Variants in KCNIP1 observed in about 807,000 individuals in gnomAD.
KCNIP1 encodes potassium voltage-gated channel interacting protein 1, also known as A-type potassium channel modulatory protein KCNIP1.
In KCNIP1, 18 loss-of-function variants were observed where a neutral mutation model predicts 33.0. That is an observed-to-expected ratio of 0.55 (90% CI 0.38 to 0.81). KCNIP1 has a LOEUF of 0.81. Ranked by LOEUF, KCNIP1 falls within the 30% of genes least tolerant of loss-of-function variation. The pLI, the probability that KCNIP1 is intolerant of heterozygous loss-of-function variation, is 0.00. For synonymous variants in KCNIP1, 93 were observed against 98.3 expected, an observed-to-expected ratio of 0.95 and a Z score of 0.32; for missense variants, 238 against 271.6, an observed-to-expected ratio of 0.88 and a Z score of 0.87.
At chr5:170,513,757 A>G (rs1755023896) in intron 1 of KCNIP1, among the ~76,000 whole-genome samples, 1 of 152,234 alleles carries the variant, frequency 6.6e-6, no homozygotes, top group Non-Finnish European at 1.5e-5. Flanking sequence ...GTTTACATAC[A>G]GAGCCTTTGT....
At chr5:170,475,782 A>G (rs1042714227) in intron 1 of KCNIP1, among the ~76,000 whole-genome samples, 1 of 151,838 alleles carries the variant, frequency 6.6e-6, no homozygotes, top group African/African-American at 2.4e-5. Context: ...CTTCCTTACT[A>G]ACAGACCCAA....
intron 1 of KCNIP1, among the ~76,000 whole-genome samples, chr5:170,397,650 T>C (rs1336221661): frequency 6.6e-6 from 1 of 152,224 alleles, no homozygotes; most frequent in African/African-American, 2.4e-5. Flanking sequence ...CCTCATTAAA[T>C]ATTCTTTGCA....
chr5:170,459,908 T>C (rs1756468055), intron 1 of KCNIP1, among the ~76,000 whole-genome samples: 2 of 152,154 alleles, frequency 1.3e-5, no homozygotes, highest in Admixed American at 1.3e-4. Context: ...TAGCTGATTC[T>C]TTGAAAAGAT....
At chr5:170,644,230 C>G (rs954842908) in intron 1 of KCNIP1, among the ~76,000 whole-genome samples, 6 of 152,210 alleles carry the variant, frequency 3.9e-5, no homozygotes, top group African/African-American at 9.6e-5. Flanking sequence ...ACCTCAGGCT[C>G]TGTGTCAGGT....
intron 1 of KCNIP1, among the ~76,000 whole-genome samples, chr5:170,513,427 C>T (rs1314166955): frequency 7.0e-6 from 1 of 143,582 alleles, no homozygotes; most frequent in African/African-American, 3.0e-5. Flanking sequence ...GTTTTTCTTT[C>T]TCTCTCTTTC....
At position 170,467,688 on chromosome 5, in the gene KCNIP1, C is replaced by T. The variant is rs7714108; in HGVS notation, c.88+113724C>T. On this transcript the variant is annotated intron_variant, in intron 1 of 7. Coordinates refer to the KCNIP1 transcript ENST00000377360. ...ATCCCAGGGCTTCGAGAGGCCGAGG[C>T]GGGTGGATCACCTGAGGTCAGGAGT... 4.3e-3 allele frequency among the ~76,000 whole-genome samples: 660 copies of T among 152,126 alleles called. 3 individuals are homozygous for T. The highest frequency in any genetic ancestry group is 7.0e-3 in the Admixed American group (107 of 15,288).
chr5:170,368,282 T>A (rs920795339), intron 1 of KCNIP1, among the ~76,000 whole-genome samples: 13 of 152,296 alleles, frequency 8.5e-5, no homozygotes, highest in African/African-American at 2.9e-4. Flanking sequence ...GTTTGTTTTA[T>A]TGAGACAGAG....
At chr5:170,639,439 G>C (rs1398908825) in intron 1 of KCNIP1, 1 of 152,260 alleles carries the variant, frequency 6.6e-6, no homozygotes, top group East Asian at 1.9e-4. Flanking sequence ...TACCTCCAGG[G>C]AGTCGGTGGC....
intron 1 of KCNIP1, among the ~76,000 whole-genome samples, chr5:170,697,806 CT>C (rs1294430814): frequency 1.3e-5 from 2 of 152,150 alleles, no homozygotes; most frequent in East Asian, 3.9e-4. Context: ...TGAGAATCTG[CT>C]TTGGCCCCCA....
chr5:170,555,924 GAAA>G (rs1756828390), intron 1 of KCNIP1, among the ~76,000 whole-genome samples: 1 of 152,136 alleles, frequency 6.6e-6, no homozygotes, highest in Non-Finnish European at 1.5e-5. Flanking sequence ...GAATGCAAAG[GAAA>G]CACCACCCAA....
chr5:170,680,918 T>G (rs111342180), intron 1 of KCNIP1: 1 of 392,872 alleles, frequency 2.5e-6, no homozygotes. Context: ...GGGGTAGGAG[T>G]GGAAGGAAGG....
At chr5:170,617,987 G>A (rs1759454059) in intron 1 of KCNIP1, among the ~76,000 whole-genome samples, 2 of 152,218 alleles carry the variant, frequency 1.3e-5, no homozygotes, top group African/African-American at 4.8e-5. Flanking sequence ...TGCCCAGGGA[G>A]GAGGTTTTCA....
At chr5:170,709,148 C>T (rs559339529) in intron 1 of KCNIP1, among the ~76,000 whole-genome samples, 6 of 152,294 alleles carry the variant, frequency 3.9e-5, no homozygotes, top group Non-Finnish European at 8.8e-5. Flanking sequence ...GAGCTCCATA[C>T]GTCTCAATGA....
At chr5:170,416,096 C>A (rs1755322473) in intron 1 of KCNIP1, among the ~76,000 whole-genome samples, 1 of 152,078 alleles carries the variant, frequency 6.6e-6, no homozygotes, top group African/African-American at 2.4e-5. Context: ...CTGGAAACCT[C>A]CCAGATGTCC....
intron 1 of KCNIP1, among the ~76,000 whole-genome samples, chr5:170,401,719 G>A (rs1443028867): frequency 3.3e-5 from 5 of 150,930 alleles, no homozygotes; most frequent in African/African-American, 9.8e-5. Context: ...CCGTGATTTC[G>A]CCACTGCACT....
intron 1 of KCNIP1, among the ~76,000 whole-genome samples, chr5:170,400,589 A>G (rs1191565613): frequency 2.0e-5 from 3 of 152,236 alleles, no homozygotes; most frequent in African/African-American, 7.2e-5. Flanking sequence ...AGAACTCTCA[A>G]TTACTGATCA....
chr5:170,449,685 C>T lies in KCNIP1; in HGVS notation c.88+95721C>T, dbSNP rs115528514. ...GGAACTTAGAACAGAACAGTGCCGG[C>T]GGTGTATGTTAAATGCTGAGTGGAC... On this transcript the variant is annotated intron_variant, in intron 1 of 7. Coordinates refer to the KCNIP1 transcript ENST00000377360. Among the ~76,000 whole-genome samples, 331 of 152,266 alleles carry T rather than the reference C, an allele frequency of 2.2e-3. 2 individuals are homozygous for T. Among genetic ancestry groups the T allele is most frequent in the African/African-American group, 7.7e-3 (321 of 41,558 alleles).
intron 1 of KCNIP1, among the ~76,000 whole-genome samples, chr5:170,488,710 G>A (rs181704069): frequency 1.3e-5 from 2 of 152,288 alleles, no homozygotes; most frequent in African/African-American, 2.4e-5. Flanking sequence ...CCCTGGGGGA[G>A]AGGCCGCATG....
At chr5:170,559,999 A>G (rs1756978063) in intron 1 of KCNIP1, among the ~76,000 whole-genome samples, 1 of 152,176 alleles carries the variant, frequency 6.6e-6, no homozygotes, top group Non-Finnish European at 1.5e-5. Context: ...CTACTTGGTA[A>G]TTATCCTGCT....
Sources: allele counts gnomAD v4.1 joint callset (sites outside exome capture counted in the v4.1 genomes callset), GRCh38; gene constraint gnomAD v4.1.1; transcripts MANE v1.5; gene names NCBI Gene and HGNC (gene_info 2026-07-23, HGNC 2026-07-21).